The following TMEM67 variants were observed in gnomAD, a reference collection of about 807,000 sequenced individuals.
TMEM67 encodes the protein meckelin.
TMEM67 carries 124 observed loss-of-function variants against 136.6 expected under a neutral mutation model. The observed-to-expected ratio is 0.91, with a 90% CI of 0.78 to 1.05. The LOEUF (loss-of-function observed/expected upper bound fraction) is 1.05, where lower values mean the gene tolerates loss of function less well. TMEM67 is among the 50% of genes least tolerant of loss of function. The pLI is 0.00. For synonymous variants in TMEM67, 364 were observed against 390.5 expected (o/e 0.93, Z 0.80); for missense variants, 1,107 against 1,178.4 (o/e 0.94, Z 0.89).
At chr8:93,765,338 A>G (rs1427352705) in intron 4 of TMEM67, 68 bp from the exon 5 acceptor site, 7 of 1,268,934 alleles carry the variant, frequency 5.5e-6, no homozygotes, top group Non-Finnish European at 7.9e-6. Context: ...GTTTAGAAAG[A>G]CAGCTTTTCT....
Position 93,755,841 on chromosome 8 carries a change from T to C in TMEM67, c.287T>C (p.Ile96Thr). 3 of 1,598,464 alleles carry C rather than the reference T, an allele frequency of 1.9e-6. No individual in the cohort carries two copies. Among genetic ancestry groups the C allele is most frequent in the Non-Finnish European group, 2.6e-6 (3 of 1,170,702 alleles). The change falls in exon 2 of 28, where the codon ATT becomes ACT. Residue 96 changes from isoleucine to threonine, a missense_variant. Around this residue, in one of 3 missense-constraint regions of TMEM67, gnomAD observed 178 missense variants for 159.2 expected, o/e 1.12. Transcript: ENST00000453321. ...MISNNGGPAIICKKCPENMKG... is the reference protein window; with the variant it reads ...MISNNGGPAITCKKCPENMKG... ...TCTAATAATGGAGGACCTGCTATTA[T>C]TTGTAAAAAGTGCCCAGAAAACATG...
chr8:93,771,503 A>C (rs938657503), intron 6 of TMEM67, among the ~76,000 whole-genome samples: 25 of 152,260 alleles, frequency 1.6e-4, no homozygotes, highest in African/African-American at 6.0e-4. Flanking sequence ...ATTCTGGCTT[A>C]TGCACTAAAA....
intron 3 of TMEM67, among the ~76,000 whole-genome samples, chr8:93,760,905 C>T (rs1052797627): frequency 6.6e-6 from 1 of 151,982 alleles, no homozygotes; most frequent in African/African-American, 2.4e-5. Flanking sequence ...ATAAAGTTCA[C>T]ATAGAAAAAA....
At chr8:93,826,038 A>G in the TMEM67 span, among the ~76,000 whole-genome samples, 3 of 148,984 alleles carry the variant, frequency 2.0e-5, no homozygotes, top group African/African-American at 4.9e-5. Flanking sequence ...ACTCATTTCT[A>G]TAGTTGTGCT....
chr8:93,812,472 A>G (rs866085782), intron 26 of TMEM67, among the ~76,000 whole-genome samples: 1 of 152,210 alleles, frequency 6.6e-6, no homozygotes, highest in Non-Finnish European at 1.5e-5. Flanking sequence ...GCAGAGCAAG[A>G]CCCTGTCTCT....
chr8:93,804,303 T>C (rs922105288), intron 22 of TMEM67, among the ~76,000 whole-genome samples: 2 of 94,464 alleles, frequency 2.1e-5, no homozygotes, highest in African/African-American at 7.7e-5. Flanking sequence ...CTTTTCTCTT[T>C]TCTTTTCTTT....
At chr8:93,772,739 G>A in intron 7 of TMEM67, 88 bp downstream of exon 7, 4 of 967,264 alleles carry the variant, frequency 4.1e-6, no homozygotes, top group Non-Finnish European at 6.4e-6. Context: ...TTATTTCTAA[G>A]TAGCTATAGC....
intron 26 of TMEM67, among the ~76,000 whole-genome samples, chr8:93,811,573 A>G (rs563014354): frequency 7.9e-5 from 12 of 152,344 alleles, no homozygotes; most frequent in Middle Eastern, 3.4e-3. Context: ...CAAGATGTAT[A>G]TAAGTTGATC....
At chr8:93,790,933 A>G (rs190004659) in intron 14 of TMEM67, among the ~76,000 whole-genome samples, 1 of 152,356 alleles carries the variant, frequency 6.6e-6, no homozygotes, top group East Asian at 1.9e-4. Flanking sequence ...TGGTTTACCC[A>G]ATTGCTAAAT....
Position 93,809,044 on chromosome 8 carries a change from T to A in TMEM67, c.2557-13T>A. 5 of 1,583,970 alleles carry A rather than the reference T, an allele frequency of 3.2e-6. No homozygotes were observed. Among genetic ancestry groups the A allele is most frequent in the Non-Finnish European group, 4.3e-6 (5 of 1,152,940 alleles). On this transcript the variant is annotated splice_polypyrimidine_tract_variant and intron_variant, in intron 24 of 27. Coordinates refer to ENST00000453321, the MANE Select transcript of TMEM67 (RefSeq NM_153704.6). The stretch of plus-strand genomic sequence containing the variant: ...ACATAACACTTTGTATTCATTTCTC[T>A]TTTTTACATTAGAAAAATGGTCCTG...
chr8:93,769,338 C>T (rs1292047696), intron 6 of TMEM67, among the ~76,000 whole-genome samples: 3 of 152,250 alleles, frequency 2.0e-5, no homozygotes, highest in Non-Finnish European at 4.4e-5. Flanking sequence ...CAGCCGGATT[C>T]CATATCCCTG....
chr8:93,778,939 TG>T (rs1212614888), intron 7 of TMEM67, among the ~76,000 whole-genome samples: 1 of 152,250 alleles, frequency 6.6e-6, no homozygotes, highest in African/African-American at 2.4e-5. Context: ...GATAATATCC[TG>T]AAGAGTGTCT....
At chr8:93,782,659 C>T (rs1351966839) in intron 11 of TMEM67, among the ~76,000 whole-genome samples, 199 bp downstream of exon 11, 4 of 147,564 alleles carry the variant, frequency 2.7e-5, no homozygotes, top group East Asian at 2.1e-4. Flanking sequence ...CCACAACCTC[C>T]GCCTCCCAGG....
rs538199365 is a variant in TMEM67, at chr8:93,767,462, A to G, written c.651+1816A>G. Among the ~76,000 whole-genome samples, 7 of 152,334 alleles carry G rather than the reference A, an allele frequency of 4.6e-5. No homozygotes were observed. In the South Asian group the frequency reaches 1.2e-3, roughly 27 times the overall value. On this transcript the variant is annotated intron_variant, in intron 6 of 27. Transcript: ENST00000453321. ...CATTAGTCTCCATTGTTGAACCACT[A>G]CTGTGATGGTTGCCAAAGGTTAATT...
In TMEM67 at chr8:93,795,463, A is replaced by G; in HGVS notation, c.1729A>G (p.Ile577Val). The G allele has an allele frequency of 6.2e-7, 1 of 1,614,070 alleles. No individual in the cohort carries two copies. Among genetic ancestry groups the G allele is most frequent in the Non-Finnish European group, 8.5e-7 (1 of 1,179,980 alleles). The part of the protein sequence containing the change: ...YAGDLANVFF[I>V]ITVGTGLYWL... Reference sequence around the variant, plus strand: ...TGGTGATCTGGCCAATGTTTTCTTTATCATCACAGTGGGAACAGGTCTTTA... The same window carrying G: ...TGGTGATCTGGCCAATGTTTTCTTTGTCATCACAGTGGGAACAGGTCTTTA... The change falls in exon 17 of 28, where the codon ATC (isoleucine) becomes GTC (valine). Residue 577 changes from isoleucine (I) to valine (V), a missense_variant. By Grantham distance (29) the Ile-to-Val change is conservative (BLOSUM62 3). Around this residue, in one of 3 missense-constraint regions of TMEM67, gnomAD observed 925 missense variants for 1,002.4 expected, o/e 0.92. Transcript: ENST00000453321.
intron 7 of TMEM67, among the ~76,000 whole-genome samples, chr8:93,773,765 A>G (rs1040644597): frequency 1.3e-5 from 2 of 152,230 alleles, no homozygotes; most frequent in Non-Finnish European, 2.9e-5. Flanking sequence ...AATGGATTAG[A>G]TTTTATGTGT....
chr8:93,805,702 A>G (rs1815119770), intron 23 of TMEM67, among the ~76,000 whole-genome samples: 1 of 152,232 alleles, frequency 6.6e-6, no homozygotes, highest in Non-Finnish European at 1.5e-5. Flanking sequence ...CAGTAATCAA[A>G]TAATTCATGA....
At chr8:93,823,122 G>A (rs1223507870), downstream of TMEM67, among the ~76,000 whole-genome samples, 2 of 152,132 alleles carry the variant, frequency 1.3e-5, no homozygotes, top group Non-Finnish European at 2.9e-5. Flanking sequence ...AAATTGAGTG[G>A]CTTTAAGCAA....
At chr8:93,794,607 C>G (rs1814525054) in intron 16 of TMEM67, among the ~76,000 whole-genome samples, 1 of 152,188 alleles carries the variant, frequency 6.6e-6, no homozygotes, top group Non-Finnish European at 1.5e-5. Flanking sequence ...ACCAAAGTAT[C>G]TTTCTGATTC....
Sources: gnomAD v4.1 joint callset for allele counts (sites outside exome capture counted in the v4.1 genomes callset) on GRCh38, gnomAD v4.1.1 for gene constraint, gnomAD v4.1.1 regional missense constraint, MANE v1.5 for transcripts, NCBI Gene and HGNC (gene_info 2026-07-23, HGNC 2026-07-21) for gene names.